SYNJ2BP: variants seen among roughly 807,000 people sequenced by gnomAD.
The protein encoded by SYNJ2BP is synaptojanin 2 binding protein, also known as synaptojanin-2-binding protein.
SYNJ2BP carries 10 observed loss-of-function variants against 16.9 expected under a neutral mutation model. The observed-to-expected ratio is 0.59, with a 90% confidence interval of 0.36 to 1.00. The LOEUF (loss-of-function observed/expected upper bound fraction) is 1.00. Ranked by LOEUF, SYNJ2BP falls within the 50% of genes least tolerant of loss-of-function variation. SYNJ2BP has a pLI of 0.01. For synonymous variants in SYNJ2BP, 54 were observed against 68.4 expected, an observed-to-expected ratio of 0.79 and a Z score of 1.04; for missense variants, 162 against 186.7, an observed-to-expected ratio of 0.87 and a Z score of 0.77.
intron 1 of SYNJ2BP, among the ~76,000 whole-genome samples, chr14:70,397,908 C>A (rs1486805000): frequency 5.3e-5 from 3 of 56,336 alleles, no homozygotes; most frequent in Non-Finnish European, 1.6e-4. Flanking sequence ...TACTGAGTGA[C>A]AGAACAGCTC....
intron 1 of SYNJ2BP, among the ~76,000 whole-genome samples, chr14:70,398,429 T>C (rs1888154478): frequency 6.6e-6 from 1 of 152,132 alleles, no homozygotes; most frequent in Non-Finnish European, 1.5e-5. Flanking sequence ...TGAGCTGCCC[T>C]CAGCACCCCC....
At chr14:70,410,953 T>C (rs1252935482) in intron 1 of SYNJ2BP, among the ~76,000 whole-genome samples, 1 of 152,150 alleles carries the variant, frequency 6.6e-6, no homozygotes, top group African/African-American at 2.4e-5. Flanking sequence ...CAAACCCACA[T>C]GACACTGTTT....
chr14:70,375,665 G>A lies in SYNJ2BP; in HGVS notation c.297+11C>T. On this transcript the variant is annotated intron_variant, in intron 3 of 3. Transcript: ENST00000256366. ...CCTGGTGCCAGGTTTCTGGCTCAAA[G>A]TGATACCTACCCTGTGCTGCACTCT... 1 of 1,608,876 alleles carries A rather than the reference G, an allele frequency of 6.2e-7. No individual in the cohort carries two copies. The highest frequency in any genetic ancestry group is 8.5e-7 in the Non-Finnish European group (1 of 1,178,352).
intron 1 of SYNJ2BP, among the ~76,000 whole-genome samples, chr14:70,393,633 G>A (rs866136000): frequency 2.9e-4 from 44 of 152,236 alleles, no homozygotes; most frequent in African/African-American, 1.0e-3. Context: ...AAAAAAGAAT[G>A]AGTTCATGTC....
chr14:70,415,211 G>C (rs1454801127), intron 1 of SYNJ2BP, among the ~76,000 whole-genome samples: 1 of 150,362 alleles, frequency 6.7e-6, no homozygotes, highest in Non-Finnish European at 1.5e-5. Context: ...TTAGTGATGA[G>C]TTATATTCCG....
Position 70,387,668 on chromosome 14 carries a change from A to G in SYNJ2BP, c.201+802T>C, listed in dbSNP as rs375856944. 1.4e-3 allele frequency among the ~76,000 whole-genome samples: 210 copies of G among 152,144 alleles called. 2 individuals carry two copies. Among genetic ancestry groups the G allele is most frequent in the African/African-American group, 4.8e-3 (199 of 41,520 alleles). On this transcript the variant is annotated intron_variant, in intron 2 of 3. Coordinates refer to ENST00000256366, the MANE Select transcript of SYNJ2BP (RefSeq NM_018373.3). ...AACATGGTGAAACCCTGTCTATACT[A>G]AAAATATAAAAAATTAGCTGGGCGT...
chr14:70,409,926 A>G (rs1888433357), intron 1 of SYNJ2BP, among the ~76,000 whole-genome samples: 1 of 150,358 alleles, frequency 6.7e-6, no homozygotes, highest in Non-Finnish European at 1.5e-5. Flanking sequence ...ACTGGGCAAC[A>G]TAGTGAGATC....
intron 2 of SYNJ2BP, among the ~76,000 whole-genome samples, chr14:70,379,545 A>G (rs1887703587): frequency 6.6e-6 from 1 of 152,208 alleles, no homozygotes. Flanking sequence ...ATCTTTAAAA[A>G]GGATCAGTCC....
chr14:70,385,088 T>G (rs926155102), intron 2 of SYNJ2BP, among the ~76,000 whole-genome samples: 8 of 152,164 alleles, frequency 5.3e-5, no homozygotes, highest in African/African-American at 1.9e-4. Context: ...TTCTTATATT[T>G]TGGTAAAGTA....
rs548268653 is a variant in SYNJ2BP, at chr14:70,407,436, A to G, written c.64+9464T>C. 1.5e-4 allele frequency among the ~76,000 whole-genome samples: 23 copies of G among 152,208 alleles called. No individual in the cohort carries two copies. In the East Asian group the frequency reaches 4.4e-3, roughly 29 times the overall value. On this transcript the variant is annotated intron_variant, in intron 1 of 3. Coordinates refer to ENST00000256366, the MANE Select transcript of SYNJ2BP (RefSeq NM_018373.3). ...CAGAGCGAGACTCCGTCTCAAAAAA[A>G]AAAAAAAAAATGGCAAAAACCACAA...
intron 1 of SYNJ2BP, among the ~76,000 whole-genome samples, chr14:70,407,011 A>G (rs961369839): frequency 1.3e-5 from 2 of 152,218 alleles, no homozygotes; most frequent in Non-Finnish European, 2.9e-5. Context: ...AATGTGAATC[A>G]TGCCTCAAAA....
chr14:70,416,778 A>C (rs1888619951), intron 1 of SYNJ2BP, 122 bp downstream of exon 1: 1 of 1,450,582 alleles, frequency 6.9e-7, no homozygotes, highest in African/African-American at 1.4e-5. Flanking sequence ...GAAGCGTTGC[A>C]CGAAACCTCT....
In SYNJ2BP at chr14:70,370,289, C is replaced by G. The variant is rs1392938058; in HGVS notation, c.*2702G>C. On this transcript the variant is annotated 3_prime_UTR_variant, in exon 4 of 4. Coordinates refer to ENST00000256366, the MANE Select transcript of SYNJ2BP (RefSeq NM_018373.3). ...TCAGTGTCCAAACCATGAGGTGAATCCTGGGAGGTAAGCAAGCTTGCTGTA... is the reference window on the plus strand; with the variant it reads ...TCAGTGTCCAAACCATGAGGTGAATGCTGGGAGGTAAGCAAGCTTGCTGTA... The G allele has an allele frequency of 6.6e-6, 1 of 152,132 alleles. No homozygotes were observed. The highest frequency in any genetic ancestry group is 1.5e-5 in the Non-Finnish European group (1 of 68,022). 9.4% of individuals were successfully genotyped at this position (152,132 alleles called of 1,614,324 possible).
At chr14:70,399,707 C>T (rs985478333) in intron 1 of SYNJ2BP, among the ~76,000 whole-genome samples, 8 of 152,196 alleles carry the variant, frequency 5.3e-5, no homozygotes, top group South Asian at 2.1e-4. Flanking sequence ...AAGATAGGGA[C>T]GATGACTGCT....
rs78034102 is a variant in SYNJ2BP, at chr14:70,401,072, C to T, written c.65-12466G>A. Among the ~76,000 whole-genome samples the T allele has an allele frequency of 1.2e-3, 183 of 152,192 alleles. 3 individuals are homozygous for T. In the East Asian group the frequency reaches 0.034, roughly 28 times the overall value. ...TTATGGGACATCCTCTTGTAAATAT[C>T]TAGGAAAGTGGACTCACTTAACTTG... On this transcript the variant is annotated intron_variant, in intron 1 of 3. Transcript: ENST00000256366.
intron 1 of SYNJ2BP, among the ~76,000 whole-genome samples, chr14:70,409,708 C>A (rs1477925891): frequency 1.3e-5 from 2 of 152,222 alleles, no homozygotes; most frequent in Non-Finnish European, 2.9e-5. Flanking sequence ...CATCATAATA[C>A]AATGTGTCCA....
At position 70,367,486 on chromosome 14, in the gene SYNJ2BP, C is replaced by G. The variant is rs1031688179; in HGVS notation, c.*5505G>C. On this transcript the variant is annotated 3_prime_UTR_variant, in exon 4 of 4. Coordinates refer to ENST00000256366, the MANE Select transcript of SYNJ2BP (RefSeq NM_018373.3). ...CTGAGGCAGGAGAATCGCTTGAACC[C>G]GGGCGGCAGAGATTGCAGTGAGCTG... 2.9e-5 allele frequency: 4 copies of G among 137,950 alleles called. No individual in the cohort carries two copies. The highest frequency in any genetic ancestry group is 1.1e-4 in the African/African-American group (4 of 36,452). The allele number at this position is 137,950 out of a possible 1,614,324, so 8.5% of individuals were successfully genotyped here.
chr14:70,389,381 T>TC (rs71105706), intron 1 of SYNJ2BP, among the ~76,000 whole-genome samples: 73,290 of 149,136 alleles, frequency 0.49, 19,782 homozygotes, highest in Non-Finnish European at 0.6. Flanking sequence ...TTCTTTTTTT[T>TC]TTTTTTTTTT....
intron 2 of SYNJ2BP, among the ~76,000 whole-genome samples, chr14:70,381,726 G>A (rs1014902737): frequency 6.6e-6 from 1 of 152,186 alleles, no homozygotes; most frequent in African/African-American, 2.4e-5. Context: ...CATCCTAGCT[G>A]CACTTTAACA....
Sources: gnomAD v4.1 joint callset for allele counts (sites outside exome capture counted in the v4.1 genomes callset) on GRCh38, gnomAD v4.1.1 for gene constraint, MANE v1.5 for transcripts, NCBI Gene and HGNC (gene_info 2026-07-23, HGNC 2026-07-21) for gene names.